CTNNA3: variants seen among roughly 807,000 people sequenced by gnomAD.
CTNNA3 encodes the protein catenin alpha 3, also known as catenin alpha-3.
CTNNA3 carries 76 observed loss-of-function variants against 95.7 expected under a neutral mutation model. That is an observed-to-expected ratio of 0.79 (90% CI 0.66 to 0.96). The LOEUF (loss-of-function observed/expected upper bound fraction) is 0.96. Among genes scored for constraint, CTNNA3 ranks in the 40% least tolerant of loss-of-function variants. The pLI is 0.00. For synonymous variants in CTNNA3, 431 were observed against 374.4 expected (o/e 1.15, Z -1.74); for missense variants, 1,191 against 1,089.8 (o/e 1.09, Z -1.31).
chr10:67,405,531 C>A (rs1349220546), intron 5 of CTNNA3, among the ~76,000 whole-genome samples: 2 of 152,134 alleles, frequency 1.3e-5, no homozygotes, highest in Non-Finnish European at 2.9e-5. Context: ...AACAGGAACA[C>A]CCAGATTCAT....
At chr10:66,767,185 T>C (rs1274190406) in intron 8 of CTNNA3, among the ~76,000 whole-genome samples, 1 of 151,954 alleles carries the variant, frequency 6.6e-6, no homozygotes, top group Non-Finnish European at 1.5e-5. Context: ...CAGTGGCTCA[T>C]GCCTGTAATC....
intron 11 of CTNNA3, among the ~76,000 whole-genome samples, chr10:66,389,107 A>T (rs2092915874): frequency 1.3e-5 from 2 of 152,214 alleles, no homozygotes; most frequent in South Asian, 4.1e-4. Flanking sequence ...AATGCCAAAT[A>T]CCTTGTATAC....
intron 3 of CTNNA3, among the ~76,000 whole-genome samples, chr10:67,548,958 C>T (rs1225611822): frequency 2.0e-5 from 3 of 151,950 alleles, no homozygotes; most frequent in Admixed American, 1.3e-4. Flanking sequence ...TCTAAATAGA[C>T]ATTTCTCCAA....
chr10:66,268,434 T>A (rs1261875437), intron 13 of CTNNA3, among the ~76,000 whole-genome samples: 1 of 152,150 alleles, frequency 6.6e-6, no homozygotes, highest in Admixed American at 6.5e-5. Context: ...GTGGCTACCA[T>A]GCTGTGAGAA....
chr10:66,621,603 A>G, intron 10 of CTNNA3, 89 bp downstream of exon 10: 30 of 769,796 alleles, frequency 3.9e-5, no homozygotes, highest in South Asian at 6.3e-5. Flanking sequence ...AAAAAAAAAA[A>G]AGAAAAAAAA....
At chr10:67,617,766 C>CT (rs60151492) in intron 2 of CTNNA3, among the ~76,000 whole-genome samples, 10,601 of 138,238 alleles carry the variant, frequency 0.077, 1,139 homozygotes, top group African/African-American at 0.25. Context: ...CCAGCATCTG[C>CT]TTTTTTTTTT....
At chr10:67,272,502 A>G (rs903421308) in intron 5 of CTNNA3, among the ~76,000 whole-genome samples, 1 of 152,134 alleles carries the variant, frequency 6.6e-6, no homozygotes, top group African/African-American at 2.4e-5. Context: ...GTAGTCAGCT[A>G]TCATTGTACC....
rs550795172 is a variant in CTNNA3 at position 65,996,053 on chromosome 10, C to A, written c.2160-7256G>T. On this transcript the variant is annotated intron_variant, in intron 15 of 17. Coordinates refer to ENST00000433211, the MANE Select transcript of CTNNA3 (RefSeq NM_013266.4). The stretch of plus-strand genomic sequence containing the variant: ...GCAGGGAGAATCCATCCTCAAGGCA[C>A]GTGCAAGTACACTGTGGGCCTGTTT... Among the ~76,000 whole-genome samples the A allele has an allele frequency of 2.0e-5, 3 of 152,284 alleles. No homozygotes were observed. The South Asian group carries it at 6.2e-4, about 32-fold the overall frequency.
intron 7 of CTNNA3, among the ~76,000 whole-genome samples, chr10:66,931,874 C>T (rs1847417366): frequency 6.6e-6 from 1 of 152,090 alleles, no homozygotes; most frequent in South Asian, 2.1e-4. Flanking sequence ...TCGATGCTGG[C>T]TAAGCATTTT....
At chr10:66,840,372 T>TCTCTCTCTCACA (rs1843023433) in intron 7 of CTNNA3, among the ~76,000 whole-genome samples, 4 of 71,330 alleles carry the variant, frequency 5.6e-5, no homozygotes, top group African/African-American at 2.4e-4. Context: ...TCTCTCTCTC[T>TCTCTCTCTCACA]CACACACACA....
chr10:66,366,507 G>A (rs1392814512), intron 12 of CTNNA3, among the ~76,000 whole-genome samples: 1 of 152,092 alleles, frequency 6.6e-6, no homozygotes, highest in Non-Finnish European at 1.5e-5. Flanking sequence ...CTGCCTTCAT[G>A]AACAGTTATT....
rs1845560795 is a variant in CTNNA3, at chr10:67,416,713, C to T, written c.579+105129G>A. Among the ~76,000 whole-genome samples the T allele has an allele frequency of 2.0e-5, 3 of 151,018 alleles. No homozygotes were observed. In the South Asian group the frequency reaches 6.3e-4, roughly 32 times the overall value. On this transcript the variant is annotated intron_variant, in intron 5 of 17. Coordinates refer to ENST00000433211, the MANE Select transcript of CTNNA3 (RefSeq NM_013266.4). ...ACATATGAAAAAATACTCCACATCA[C>T]TATCAGAGAAATGCAAGTCAAAACC...
intron 9 of CTNNA3, among the ~76,000 whole-genome samples, chr10:66,702,220 C>T (rs1179219751): frequency 1.3e-5 from 2 of 151,894 alleles, no homozygotes; most frequent in African/African-American, 2.4e-5. Flanking sequence ...TGAACATCAG[C>T]AACAACCAAC....
intron 7 of CTNNA3, among the ~76,000 whole-genome samples, chr10:66,905,566 A>G (rs1166707843): frequency 6.6e-6 from 1 of 152,132 alleles, no homozygotes; most frequent in Non-Finnish European, 1.5e-5. Flanking sequence ...CTGCCCTCCC[A>G]TGTTAATTGC....
chr10:67,274,815 T>C (rs569801816), intron 5 of CTNNA3, among the ~76,000 whole-genome samples: 1 of 152,220 alleles, frequency 6.6e-6, no homozygotes, highest in East Asian at 1.9e-4. Flanking sequence ...GGGACAGAGA[T>C]AGACTCTGTC....
intron 5 of CTNNA3, among the ~76,000 whole-genome samples, chr10:67,413,668 C>T (rs553266843): frequency 2.6e-5 from 4 of 152,184 alleles, no homozygotes; most frequent in Non-Finnish European, 5.9e-5. Context: ...AAAGATCAAC[C>T]ACATGCTCAG....
intron 5 of CTNNA3, among the ~76,000 whole-genome samples, chr10:67,224,942 G>A (rs866391060): frequency 6.6e-6 from 1 of 152,176 alleles, no homozygotes; most frequent in East Asian, 1.9e-4. Context: ...GAACCAGGCC[G>A]TTTTCATTTG....
At chr10:65,935,157 A>AATTTC (rs2077315734) in intron 17 of CTNNA3, among the ~76,000 whole-genome samples, 2 of 152,298 alleles carry the variant, frequency 1.3e-5, no homozygotes, top group African/African-American at 4.8e-5. Flanking sequence ...TGGCTACAAC[A>AATTTC]GTAGTCCGTT....
intron 12 of CTNNA3, among the ~76,000 whole-genome samples, chr10:66,334,546 T>C (rs1480655081): frequency 2.6e-5 from 4 of 152,108 alleles, no homozygotes; most frequent in African/African-American, 4.8e-5. Flanking sequence ...TCTTTAATAA[T>C]GTTGAATATT....
Sources: gnomAD v4.1 joint callset for allele counts (sites outside exome capture counted in the v4.1 genomes callset) on GRCh38, gnomAD v4.1.1 for gene constraint, MANE v1.5 for transcripts, NCBI Gene and HGNC (gene_info 2026-07-23, HGNC 2026-07-21) for gene names.